TF: variants seen among roughly 807,000 people sequenced by gnomAD.
TF encodes transferrin.
A neutral mutation model predicts 82.4 loss-of-function variants in TF; 55 were observed. The observed-to-expected ratio is 0.67, with a 90% CI of 0.54 to 0.84. The LOEUF (loss-of-function observed/expected upper bound fraction) is 0.84. TF is among the 40% of genes least tolerant of loss of function. TF has a pLI of 0.00. For synonymous variants in TF, 332 were observed against 332.6 expected, an observed-to-expected ratio of 1.00 and a Z score of 0.02; for missense variants, 737 against 868.4, an observed-to-expected ratio of 0.85 and a Z score of 1.90.
chr3:133,736,631 C>CAAAAAAGAAA, the TF span, among the ~76,000 whole-genome samples: 3 of 32,562 alleles, frequency 9.2e-5, no homozygotes, highest in East Asian at 2.5e-3. Context: ...AATGGAAAGC[C>CAAAAAAGAAA]AAAAAAAAAA....
the TF span, among the ~76,000 whole-genome samples, chr3:133,680,880 C>A: frequency 3.9e-5 from 6 of 152,078 alleles, no homozygotes; most frequent in African/African-American, 1.4e-4. Context: ...TATTTAATTC[C>A]CTGACAGTTT....
the TF span, among the ~76,000 whole-genome samples, chr3:133,671,808 AAAG>A: frequency 1.7e-3 from 256 of 151,518 alleles, no homozygotes; most frequent in Admixed American, 0.012. Flanking sequence ...AAAAAAAAAA[AAAG>A]AAGAAGAAGA....
In TF at chr3:133,794,970, A is replaced by T. The variant is rs1271433017; in HGVS notation, c.*16350A>T. ...GTCCTTTTTCCATGATTTGGAATAA[A>T]AGAGGCAAATGTATCCCTCATAATA... On this transcript the variant is annotated 3_prime_UTR_variant, in exon 17 of 17. Transcript: ENST00000402696. 2 of 152,266 alleles carry T rather than the reference A, an allele frequency of 1.3e-5. No individual in the cohort carries two copies. Among genetic ancestry groups the T allele is most frequent in the Non-Finnish European group, 2.9e-5 (2 of 68,044 alleles). The allele number at this position is 152,266 out of a possible 1,614,324, so 9.4% of individuals were successfully genotyped here.
At chr3:133,764,753 T>C in intron 10 of TF, 122 bp from the exon 11 acceptor site, 2 of 921,714 alleles carry the variant, frequency 2.2e-6, no homozygotes, top group Non-Finnish European at 3.4e-6. Flanking sequence ...TGGGAATTGA[T>C]GACATGTATA....
At position 133,757,004 on chromosome 3, in the gene TF, G is replaced by T. The variant is rs1289320184; in HGVS notation, c.865G>T (p.Ala289Ser). ...CTTGATCTGGGAGCTTCTCAACCAG[G>T]CCCAGGTATCCCCACCTGCCATCCT... ...EDLIWELLNQ[A>S]QEHFGKDKSK... Residue 289 changes from alanine (A) to serine (S), a missense_variant, in exon 7 of 17, where the codon GCC (alanine) becomes TCC (serine). Transcript: ENST00000402696. The T allele has an allele frequency of 1.2e-6, 2 of 1,614,148 alleles. No individual in the cohort carries two copies. The highest frequency in any genetic ancestry group is 4.5e-5 in the East Asian group (2 of 44,868).
At chr3:133,720,458 A>G in the TF span, among the ~76,000 whole-genome samples, 3 of 152,122 alleles carry the variant, frequency 2.0e-5, no homozygotes, top group Non-Finnish European at 4.4e-5. Context: ...ACTTGATTAT[A>G]GTGAATGATC....
chr3:133,690,874 A>T, the TF span, among the ~76,000 whole-genome samples: 1,318 of 152,314 alleles, frequency 8.7e-3, 27 homozygotes, highest in African/African-American at 0.028. Flanking sequence ...GATGGTGTTC[A>T]CAAGGCCCAG....
At chr3:133,671,031 T>C in the TF span, among the ~76,000 whole-genome samples, 1 of 152,196 alleles carries the variant, frequency 6.6e-6, no homozygotes, top group East Asian at 1.9e-4. Context: ...CTTAAGATAC[T>C]TGGCACAATT....
intron 6 of TF, 122 bp from the exon 7 acceptor site, chr3:133,756,709 G>T: frequency 8.1e-7 from 1 of 1,241,646 alleles, no homozygotes. Context: ...CATGTTCTCT[G>T]GCCTTCAGTG....
chr3:133,729,176 C>A, the TF span, among the ~76,000 whole-genome samples: 2 of 152,212 alleles, frequency 1.3e-5, no homozygotes, highest in Non-Finnish European at 2.9e-5. Flanking sequence ...AGAACCACTG[C>A]TCTCTTCAAA....
chr3:133,776,767 A>G (rs1192401971), intron 15 of TF, among the ~76,000 whole-genome samples: 1 of 151,878 alleles, frequency 6.6e-6, no homozygotes, highest in Non-Finnish European at 1.5e-5. Context: ...GAAGTGGGGA[A>G]GAGAGGTCAG....
the TF span, among the ~76,000 whole-genome samples, chr3:133,686,764 A>G: frequency 1.3e-5 from 2 of 152,042 alleles, no homozygotes; most frequent in African/African-American, 4.8e-5. Flanking sequence ...GTGTCAGTTC[A>G]GCCATTGTGG....
chr3:133,705,369 G>A, the TF span, among the ~76,000 whole-genome samples: 2 of 151,932 alleles, frequency 1.3e-5, no homozygotes, highest in African/African-American at 4.8e-5. Context: ...TTTCCCTCCC[G>A]TATAGCAAAA....
Position 133,781,944 on chromosome 3 carries a change from A to G in TF, c.*3324A>G, listed in dbSNP as rs1934524016. On this transcript the variant is annotated 3_prime_UTR_variant, in exon 17 of 17. Transcript: ENST00000402696. ...TACAACAAATTGATAAAGAACTCATACAACTCAATAGCAGGAAAACAAATG... is the reference window on the plus strand; with the variant it reads ...TACAACAAATTGATAAAGAACTCATGCAACTCAATAGCAGGAAAACAAATG... 6.6e-6 allele frequency: 1 copy of G among 152,246 alleles called. No homozygotes were observed. The highest frequency in any genetic ancestry group is 6.5e-5 in the Admixed American group (1 of 15,282). 9.4% of individuals were successfully genotyped at this position (152,246 alleles called of 1,614,324 possible).
the TF span, among the ~76,000 whole-genome samples, chr3:133,718,939 T>C: frequency 6.6e-6 from 1 of 152,084 alleles, no homozygotes; most frequent in Non-Finnish European, 1.5e-5. Context: ...GCTTAAGAAA[T>C]GTGAATGGGA....
chr3:133,675,991 C>T, the TF span, among the ~76,000 whole-genome samples: 1 of 152,010 alleles, frequency 6.6e-6, no homozygotes, highest in Non-Finnish European at 1.5e-5. Flanking sequence ...GGGATTTTTT[C>T]CCCCTGGGGC....
the TF span, among the ~76,000 whole-genome samples, chr3:133,695,501 C>T: frequency 6.6e-6 from 1 of 152,140 alleles, no homozygotes; most frequent in East Asian, 1.9e-4. Flanking sequence ...CCACTTTTGT[C>T]TCCCAAAGTG....
chr3:133,740,618 A>T, the TF span, among the ~76,000 whole-genome samples: 23 of 152,318 alleles, frequency 1.5e-4, no homozygotes, highest in South Asian at 1.2e-3. Flanking sequence ...GGCATGAGCC[A>T]CCGTGCCCAG....
At chr3:133,701,530 T>C in the TF span, among the ~76,000 whole-genome samples, 3 of 152,226 alleles carry the variant, frequency 2.0e-5, no homozygotes, top group East Asian at 5.8e-4. Context: ...CGTGGGCATA[T>C]GGTGGTGAGC....
Sources: gnomAD v4.1 joint callset for allele counts (sites outside exome capture counted in the v4.1 genomes callset) on GRCh38, gnomAD v4.1.1 for gene constraint, MANE v1.5 for transcripts, NCBI Gene and HGNC (gene_info 2026-07-23, HGNC 2026-07-21) for gene names.